The following EPHA6 variants were observed in gnomAD, a reference collection of about 807,000 sequenced individuals.
The protein encoded by EPHA6 is ephrin type-A receptor 6.
EPHA6 carries 50 observed loss-of-function variants against 112.0 expected under a neutral mutation model. The observed-to-expected ratio is 0.45, with a 90% CI of 0.36 to 0.56. The LOEUF is 0.56. Ranked by LOEUF, EPHA6 falls within the 20% of genes least tolerant of loss-of-function variation. The probability of loss-of-function intolerance (pLI) is 0.00; values close to 1 mark genes in which losing one functional copy is unlikely to be tolerated. For synonymous variants in EPHA6, 529 were observed against 490.7 expected, an observed-to-expected ratio of 1.08 and a Z score of -1.03; for missense variants, 1,280 against 1,417.4, an observed-to-expected ratio of 0.90 and a Z score of 1.56.
intron 6 of EPHA6, among the ~76,000 whole-genome samples, chr3:97,416,789 T>A (rs995298449): frequency 5.9e-5 from 9 of 152,184 alleles, no homozygotes; most frequent in South Asian, 2.1e-4. Context: ...TGAAAATTTA[T>A]TTTCTTTCAT....
intron 14 of EPHA6, among the ~76,000 whole-genome samples, chr3:97,653,816 A>C (rs1297767571): frequency 6.6e-6 from 1 of 151,964 alleles, no homozygotes; most frequent in African/African-American, 2.4e-5. Context: ...TTCAGCCCCC[A>C]AAAAGAAAAT....
intron 8 of EPHA6, among the ~76,000 whole-genome samples, chr3:97,476,624 T>C (rs2091376426): frequency 6.6e-6 from 1 of 150,702 alleles, no homozygotes; most frequent in Non-Finnish European, 1.5e-5. Context: ...CCAAAAAGTA[T>C]AGAACTTGAC....
At chr3:97,619,140 C>T (rs1393492017) in intron 13 of EPHA6, among the ~76,000 whole-genome samples, 1 of 138,854 alleles carries the variant, frequency 7.2e-6, no homozygotes, top group Admixed American at 7.5e-5. Flanking sequence ...TGATTCATAA[C>T]ATAAACAGAA....
chr3:97,429,586 A>T (rs2089372065), intron 6 of EPHA6, among the ~76,000 whole-genome samples: 1 of 152,182 alleles, frequency 6.6e-6, no homozygotes, highest in Non-Finnish European at 1.5e-5. Context: ...GAGATAGAAA[A>T]GAAAGATGTT....
At chr3:97,464,528 T>C (rs2090993890) in intron 7 of EPHA6, among the ~76,000 whole-genome samples, 1 of 152,080 alleles carries the variant, frequency 6.6e-6, no homozygotes, top group Non-Finnish European at 1.5e-5. Flanking sequence ...CTCTCCATGT[T>C]TATGCTAAAA....
At chr3:97,170,597 T>A (rs2076672167) in intron 3 of EPHA6, among the ~76,000 whole-genome samples, 1 of 151,908 alleles carries the variant, frequency 6.6e-6, no homozygotes, top group Admixed American at 6.6e-5. Flanking sequence ...ATTACCCAGG[T>A]GTCATGGTGC....
intron 11 of EPHA6, among the ~76,000 whole-genome samples, chr3:97,572,098 A>G (rs1338882018): frequency 1.4e-5 from 2 of 147,224 alleles, no homozygotes; most frequent in Non-Finnish European, 3.0e-5. Context: ...CCAAAAATCT[A>G]TGTTGTTCTG....
chr3:96,926,335 A>G (rs555759387), intron 2 of EPHA6, among the ~76,000 whole-genome samples: 3 of 152,282 alleles, frequency 2.0e-5, no homozygotes, highest in African/African-American at 4.8e-5. Context: ...GGGGATTACA[A>G]TTAGAGATAT....
At chr3:96,956,076 G>T (rs2041745562) in intron 2 of EPHA6, among the ~76,000 whole-genome samples, 1 of 150,942 alleles carries the variant, frequency 6.6e-6, no homozygotes, top group African/African-American at 2.4e-5. Flanking sequence ...AGTGTCAAAA[G>T]GTTGCTTAAT....
At chr3:97,550,260 C>T (rs976930951) in intron 11 of EPHA6, among the ~76,000 whole-genome samples, 2 of 152,224 alleles carry the variant, frequency 1.3e-5, no homozygotes, top group Admixed American at 6.5e-5. Flanking sequence ...CACAGACATC[C>T]ATTTTACTGC....
chr3:97,199,546 G>A (rs1484483267), intron 3 of EPHA6, among the ~76,000 whole-genome samples: 1 of 152,150 alleles, frequency 6.6e-6, no homozygotes, highest in Non-Finnish European at 1.5e-5. Context: ...CCTGAAGACA[G>A]CATTTCCTGA....
intron 5 of EPHA6, among the ~76,000 whole-genome samples, chr3:97,372,323 C>T (rs914629369): frequency 2.6e-5 from 4 of 152,064 alleles, no homozygotes; most frequent in African/African-American, 9.7e-5. Flanking sequence ...ATGTTGGGGG[C>T]TGAATTTGCC....
intron 11 of EPHA6, among the ~76,000 whole-genome samples, chr3:97,549,556 C>T (rs1365057768): frequency 6.6e-6 from 1 of 152,086 alleles, no homozygotes; most frequent in African/African-American, 2.4e-5. Context: ...GTGAAGAAAC[C>T]TCGAATGACT....
intron 2 of EPHA6, among the ~76,000 whole-genome samples, chr3:96,887,877 G>A (rs1575930475): frequency 6.6e-6 from 1 of 152,130 alleles, no homozygotes; most frequent in Non-Finnish European, 1.5e-5. Context: ...GTGGGGGAAA[G>A]CCAGCAGTCA....
intron 3 of EPHA6, among the ~76,000 whole-genome samples, chr3:97,170,373 G>A (rs2076665941): frequency 1.3e-5 from 2 of 152,138 alleles, no homozygotes; most frequent in African/African-American, 4.8e-5. Flanking sequence ...GTAATCTGCA[G>A]GAATGAGCCA....
intron 2 of EPHA6, among the ~76,000 whole-genome samples, chr3:96,879,679 T>G (rs954273177): frequency 2.6e-5 from 4 of 152,154 alleles, no homozygotes; most frequent in African/African-American, 9.6e-5. Flanking sequence ...TGTGATTTCT[T>G]TCATCAGCAT....
At position 97,484,038 on chromosome 3, in the gene EPHA6, A is replaced by T; in HGVS notation, c.2179A>T (p.Ile727Phe). ...AKEIDPSRIR[I>F]ERVIGAGEFG... ...GGAGATTGATCCCTCAAGAATTCGTATTGAGAGAGTCATTGGGGCAGGTAA... is the reference window on the plus strand; with the variant it reads ...GGAGATTGATCCCTCAAGAATTCGTTTTGAGAGAGTCATTGGGGCAGGTAA... The change falls in exon 10 of 18, where the codon ATT (isoleucine) becomes TTT (phenylalanine). Residue 727 changes from isoleucine (I) to phenylalanine (F), a missense_variant. Around this residue, in one of 4 missense-constraint regions of EPHA6, gnomAD observed 878 missense variants for 999.7 expected, o/e 0.88. Transcript: ENST00000389672. 1 of 1,607,202 alleles carries T rather than the reference A, an allele frequency of 6.2e-7. No individual in the cohort carries two copies. Among genetic ancestry groups the T allele is most frequent in the Non-Finnish European group, 8.5e-7 (1 of 1,177,018 alleles).
chr3:97,074,805 T>C (rs1255679784), intron 3 of EPHA6, among the ~76,000 whole-genome samples: 2 of 152,014 alleles, frequency 1.3e-5, no homozygotes, highest in Non-Finnish European at 2.9e-5. Context: ...ACTCTCAGCA[T>C]TGTTCTCTGA....
chr3:97,267,565 T>C (rs1474162289), intron 5 of EPHA6, among the ~76,000 whole-genome samples: 1 of 152,172 alleles, frequency 6.6e-6, no homozygotes, highest in African/African-American at 2.4e-5. Context: ...GAAAAAAATC[T>C]TATGTTTATA....
Sources: gnomAD v4.1 joint callset for allele counts (sites outside exome capture counted in the v4.1 genomes callset) on GRCh38, gnomAD v4.1.1 for gene constraint, gnomAD v4.1.1 regional missense constraint, MANE v1.5 for transcripts, NCBI Gene and HGNC (gene_info 2026-07-23, HGNC 2026-07-21) for gene names.